The following RCAN2 variants were observed in gnomAD, a reference collection of about 807,000 sequenced individuals.
RCAN2 encodes the protein regulator of calcineurin 2.
Under a neutral mutation model 23.6 loss-of-function variants are expected in RCAN2, and 9 were observed. That is an observed-to-expected ratio of 0.38 (90% CI 0.23 to 0.67). The LOEUF (loss-of-function observed/expected upper bound fraction) is 0.67. Ranked by LOEUF, RCAN2 falls within the 30% of genes least tolerant of loss-of-function variation. The probability of loss-of-function intolerance (pLI) is 0.51; values close to 1 mark genes in which losing one functional copy is unlikely to be tolerated. For missense variants in RCAN2, 273 were observed against 302.3 expected (o/e 0.90, Z 0.72); for synonymous variants, 109 against 115.7 (o/e 0.94, Z 0.37).
intron 2 of RCAN2, among the ~76,000 whole-genome samples, chr6:46,383,474 G>C (rs1243480266): frequency 6.6e-6 from 1 of 152,040 alleles, no homozygotes; most frequent in African/African-American, 2.4e-5. Flanking sequence ...AGAAAGATAT[G>C]AATATTAAAG....
At chr6:46,467,859 A>T (rs1768439668) in intron 1 of RCAN2, among the ~76,000 whole-genome samples, 1 of 152,216 alleles carries the variant, frequency 6.6e-6, no homozygotes, top group Admixed American at 6.5e-5. Flanking sequence ...AAAATGCAAG[A>T]ACACTGAAGT....
intron 1 of RCAN2, among the ~76,000 whole-genome samples, chr6:46,483,903 A>G (rs2150448615): frequency 6.6e-6 from 1 of 152,338 alleles, no homozygotes; most frequent in African/African-American, 2.4e-5. Context: ...TTTGCTGTTG[A>G]GCAAATAAAA....
At chr6:46,230,716 AGT>A (rs1309548979) in intron 4 of RCAN2, among the ~76,000 whole-genome samples, 1 of 152,172 alleles carries the variant, frequency 6.6e-6, no homozygotes. Flanking sequence ...CCCAACCCCT[AGT>A]GCTTCCTGGG....
At chr6:46,347,811 G>C (rs2150376539) in intron 2 of RCAN2, among the ~76,000 whole-genome samples, 1 of 152,248 alleles carries the variant, frequency 6.6e-6, no homozygotes, top group South Asian at 2.1e-4. Flanking sequence ...TTTCACCCAG[G>C]GGAAAGTTCA....
chr6:46,289,743 G>T (rs1271347382), intron 2 of RCAN2, among the ~76,000 whole-genome samples: 1 of 152,178 alleles, frequency 6.6e-6, no homozygotes, highest in Non-Finnish European at 1.5e-5. Flanking sequence ...GAAAGGCATT[G>T]CTAATTATGG....
chr6:46,372,871 G>GAAA (rs1765358170), intron 2 of RCAN2, among the ~76,000 whole-genome samples: 1 of 152,154 alleles, frequency 6.6e-6, no homozygotes, highest in Non-Finnish European at 1.5e-5. Flanking sequence ...CATGTTACAG[G>GAAA]AAAATAAAAA....
intron 1 of RCAN2, among the ~76,000 whole-genome samples, chr6:46,460,199 C>T (rs1000989639): frequency 7.9e-5 from 12 of 152,052 alleles, no homozygotes; most frequent in African/African-American, 2.9e-4. Flanking sequence ...GCTGGGACTA[C>T]AGGCATGCAC....
intron 2 of RCAN2, among the ~76,000 whole-genome samples, chr6:46,286,538 G>C (rs1762378668): frequency 6.6e-6 from 1 of 152,184 alleles, no homozygotes; most frequent in South Asian, 2.1e-4. Flanking sequence ...GAAGTGAAAG[G>C]CATCAAATTC....
intron 2 of RCAN2, among the ~76,000 whole-genome samples, chr6:46,290,032 C>T (rs950622656): frequency 6.6e-6 from 1 of 151,970 alleles, no homozygotes; most frequent in African/African-American, 2.4e-5. Context: ...CAAGTGGGAC[C>T]AAGTATGGAG....
chr6:46,467,011 C>G (rs983645932), intron 1 of RCAN2, among the ~76,000 whole-genome samples: 4 of 152,246 alleles, frequency 2.6e-5, no homozygotes, highest in African/African-American at 9.6e-5. Flanking sequence ...GCCTTCATAC[C>G]CCGCTCTCAG....
At chr6:46,274,223 T>G (rs1051654462) in intron 2 of RCAN2, among the ~76,000 whole-genome samples, 2 of 152,220 alleles carry the variant, frequency 1.3e-5, no homozygotes, top group African/African-American at 2.4e-5. Flanking sequence ...TTTGGAATGC[T>G]GTTTGCATTT....
intron 2 of RCAN2, among the ~76,000 whole-genome samples, chr6:46,365,278 C>T (rs1251687128): frequency 6.6e-6 from 1 of 151,950 alleles, no homozygotes; most frequent in Non-Finnish European, 1.5e-5. Context: ...GAGTTTGAGA[C>T]CAGCCTGGCC....
intron 2 of RCAN2, among the ~76,000 whole-genome samples, chr6:46,273,867 T>C (rs1160119104): frequency 2.6e-5 from 4 of 152,116 alleles, no homozygotes; most frequent in African/African-American, 9.7e-5. Context: ...GATTCTTTTT[T>C]TTTTAAATCA....
chr6:46,329,388 A>C (rs565650294), intron 2 of RCAN2, among the ~76,000 whole-genome samples: 76 of 152,226 alleles, frequency 5.0e-4, no homozygotes, highest in African/African-American at 1.8e-3. Context: ...CTGTTCATTT[A>C]TTTCTTTATG....
intron 2 of RCAN2, among the ~76,000 whole-genome samples, chr6:46,329,597 G>A (rs1341054501): frequency 4.6e-5 from 7 of 152,084 alleles, no homozygotes; most frequent in South Asian, 2.1e-4. Flanking sequence ...ACCAATAGAG[G>A]TGCCTCCTAG....
intron 2 of RCAN2, among the ~76,000 whole-genome samples, chr6:46,258,507 T>G (rs9296481): frequency 1.3e-5 from 2 of 152,128 alleles, no homozygotes; most frequent in Non-Finnish European, 2.9e-5. Flanking sequence ...CAAGAAAAGA[T>G]AGCTTGCTGG....
chr6:46,451,123 A>C (rs1243372206), intron 2 of RCAN2, among the ~76,000 whole-genome samples: 1 of 152,152 alleles, frequency 6.6e-6, no homozygotes, highest in Admixed American at 6.5e-5. Flanking sequence ...AATACATTGA[A>C]TTGCTCACTT....
chr6:46,231,237 T>C (rs1220429319), intron 4 of RCAN2, among the ~76,000 whole-genome samples: 3 of 152,124 alleles, frequency 2.0e-5, no homozygotes, highest in Admixed American at 6.6e-5. Context: ...ATGTGAAGAC[T>C]GAGGTTATGC....
intron 2 of RCAN2, among the ~76,000 whole-genome samples, chr6:46,424,223 T>G (rs1422622254): frequency 6.6e-6 from 1 of 152,226 alleles, no homozygotes; most frequent in East Asian, 1.9e-4. Context: ...TCAATTCACT[T>G]AATTTCAAAA....
Sources: allele counts gnomAD v4.1 joint callset (sites outside exome capture counted in the v4.1 genomes callset), GRCh38; gene constraint gnomAD v4.1.1; transcripts MANE v1.5; gene names NCBI Gene and HGNC (gene_info 2026-07-23, HGNC 2026-07-21).